DOK6: variants seen among roughly 807,000 people sequenced by gnomAD.
The protein encoded by DOK6 is downstream of tyrosine kinase 6.
Under a neutral mutation model 44.0 loss-of-function variants are expected in DOK6, and 22 were observed. That is an observed-to-expected ratio of 0.50 (90% CI 0.36 to 0.71). DOK6 has a LOEUF of 0.71. DOK6 is among the 30% of genes least tolerant of loss of function. DOK6 has a pLI of 0.00. For synonymous variants in DOK6, 166 were observed against 145.5 expected (o/e 1.14, Z -1.01); for missense variants, 340 against 416.4 (o/e 0.82, Z 1.60).
intron 2 of DOK6, among the ~76,000 whole-genome samples, chr18:69,564,986 G>A (rs1982934238): frequency 6.6e-6 from 1 of 152,132 alleles, no homozygotes; most frequent in African/African-American, 2.4e-5. Flanking sequence ...TATTGTTAAC[G>A]TATATGGCAT....
chr18:69,492,807 A>C, intron 1 of DOK6, among the ~76,000 whole-genome samples: 1 of 85,794 alleles, frequency 1.2e-5, no homozygotes, highest in Non-Finnish European at 3.2e-5. Context: ...TTCTTTACCC[A>C]GTCCACCATT....
At chr18:69,723,073 T>C (rs923519507) in intron 5 of DOK6, among the ~76,000 whole-genome samples, 13 of 152,360 alleles carry the variant, frequency 8.5e-5, no homozygotes, top group African/African-American at 2.6e-4. Flanking sequence ...TAAGTATTTT[T>C]ATATTGCATT....
chr18:69,750,528 T>C (rs537276211), intron 6 of DOK6, among the ~76,000 whole-genome samples: 7 of 152,166 alleles, frequency 4.6e-5, no homozygotes, highest in Non-Finnish European at 1.0e-4. Flanking sequence ...CAATGAGATA[T>C]CTTCTCATAC....
intron 7 of DOK6, among the ~76,000 whole-genome samples, chr18:69,820,198 T>C (rs1371110018): frequency 6.6e-6 from 1 of 152,192 alleles, no homozygotes; most frequent in African/African-American, 2.4e-5. Context: ...GTGAATAATG[T>C]TTAGGCCATG....
chr18:69,629,318 G>A (rs1402618279), intron 3 of DOK6, among the ~76,000 whole-genome samples: 6 of 152,268 alleles, frequency 3.9e-5, no homozygotes, highest in African/African-American at 7.2e-5. Flanking sequence ...TTCAGTTGCC[G>A]AAGTTTTGAA....
intron 1 of DOK6, among the ~76,000 whole-genome samples, chr18:69,444,601 A>G (rs1979227182): frequency 6.6e-6 from 1 of 150,942 alleles, no homozygotes; most frequent in South Asian, 2.1e-4. Context: ...TTTAATTTAT[A>G]TAAGTTATTA....
rs150012427 is a variant in DOK6 at position 69,534,761 on chromosome 18, C to T, written c.67-29726C>T. Among the ~76,000 whole-genome samples, 88 of 152,122 alleles carry T rather than the reference C, an allele frequency of 5.8e-4. 1 individual carries two copies. In the East Asian group the frequency reaches 0.012, roughly 20 times the overall value. On this transcript the variant is annotated intron_variant, in intron 1 of 7. Transcript: ENST00000382713. ...CATCAAAACAACATATTCTTAATTC[C>T]AATACTTTTATTATAAGTCTTCATA... is the stretch of plus-strand genomic sequence containing the variant.
intron 1 of DOK6, among the ~76,000 whole-genome samples, chr18:69,562,895 T>C (rs1982871993): frequency 1.3e-5 from 2 of 152,186 alleles, no homozygotes; most frequent in Admixed American, 1.3e-4. Flanking sequence ...TTTTGAAATC[T>C]ACTTATCTGA....
chr18:69,554,912 G>A (rs951349177), intron 1 of DOK6, among the ~76,000 whole-genome samples: 1 of 152,082 alleles, frequency 6.6e-6, no homozygotes, highest in East Asian at 1.9e-4. Flanking sequence ...TAAGCCTATT[G>A]GCCATTTATA....
chr18:69,452,246 A>G lies in DOK6; in HGVS notation c.66+50936A>G, dbSNP rs959798080. Among the ~76,000 whole-genome samples the G allele has an allele frequency of 8.7e-5, 13 of 149,678 alleles. No homozygotes were observed. The South Asian group carries it at 1.7e-3, about 20-fold the overall frequency. ...TAAAGGGGATATCACCACCGATCCC[A>G]CAGAAATACAAACTACCATCAGAGA... On this transcript the variant is annotated intron_variant, in intron 1 of 7. Transcript: ENST00000382713.
Position 69,796,730 on chromosome 18 carries a change from G to C in DOK6, c.856+38857G>C, listed in dbSNP as rs535772739. Among the ~76,000 whole-genome samples, 29 of 152,312 alleles carry C rather than the reference G, an allele frequency of 1.9e-4. No homozygotes were observed. The East Asian group carries it at 5.6e-3, about 29-fold the overall frequency. Reference sequence around the variant, plus strand: ...ATACTAGACAAAGCACACATGTCCAGAAAAGAGGCACAGTCAATCTCCACA... The same window carrying C: ...ATACTAGACAAAGCACACATGTCCACAAAAGAGGCACAGTCAATCTCCACA... On this transcript the variant is annotated intron_variant, in intron 7 of 7. Coordinates refer to ENST00000382713, the MANE Select transcript of DOK6 (RefSeq NM_152721.6).
chr18:69,588,082 G>A lies in DOK6; in HGVS notation c.175-11302G>A, dbSNP rs1599208160. Among the ~76,000 whole-genome samples the A allele has an allele frequency of 2.0e-5, 3 of 152,228 alleles. No homozygotes were observed. In the South Asian group the frequency reaches 6.2e-4, roughly 32 times the overall value. ...AGAATAATGGCTATTGCATGAATTG[G>A]TGGAAAAAGTGTACTAGCCTGAGAA... On this transcript the variant is annotated intron_variant, in intron 2 of 7. Coordinates refer to ENST00000382713, the MANE Select transcript of DOK6 (RefSeq NM_152721.6).
intron 3 of DOK6, among the ~76,000 whole-genome samples, chr18:69,624,394 T>G (rs1049098829): frequency 6.6e-6 from 1 of 152,160 alleles, no homozygotes; most frequent in Admixed American, 6.5e-5. Context: ...GCTAGCAGTA[T>G]GTTTATGTTT....
intron 1 of DOK6, among the ~76,000 whole-genome samples, chr18:69,444,243 T>A (rs1979216856): frequency 6.6e-6 from 1 of 152,174 alleles, no homozygotes; most frequent in Non-Finnish European, 1.5e-5. Flanking sequence ...ACGGCACTCA[T>A]CATTGCAGCC....
intron 1 of DOK6, among the ~76,000 whole-genome samples, chr18:69,459,150 C>T (rs947636445): frequency 1.7e-5 from 2 of 120,310 alleles, no homozygotes; most frequent in African/African-American, 6.5e-5. Flanking sequence ...TTAGAAATAC[C>T]TAACCAAGGA....
intron 7 of DOK6, among the ~76,000 whole-genome samples, chr18:69,821,704 G>A (rs9947556): frequency 1.7e-4 from 26 of 151,508 alleles, no homozygotes; most frequent in East Asian, 9.7e-4. Flanking sequence ...TCTTTGTGTC[G>A]GTCCTAAAAT....
chr18:69,575,103 T>G (rs1193542170), intron 2 of DOK6, among the ~76,000 whole-genome samples: 2 of 152,052 alleles, frequency 1.3e-5, no homozygotes, highest in Non-Finnish European at 2.9e-5. Flanking sequence ...TTTCCTAAAT[T>G]TATACAAATA....
At chr18:69,446,318 G>C (rs1483459274) in intron 1 of DOK6, among the ~76,000 whole-genome samples, 1 of 149,570 alleles carries the variant, frequency 6.7e-6, no homozygotes, top group Admixed American at 6.7e-5. Flanking sequence ...TTGGTTTTTT[G>C]TCCTTGCGAT....
intron 3 of DOK6, among the ~76,000 whole-genome samples, chr18:69,672,582 T>C (rs1000690940): frequency 3.3e-5 from 5 of 152,014 alleles, no homozygotes; most frequent in Non-Finnish European, 7.4e-5. Flanking sequence ...GGTCTCAAAC[T>C]CCTGATCTCA....
Sources: gnomAD v4.1 joint callset for allele counts (sites outside exome capture counted in the v4.1 genomes callset) on GRCh38, gnomAD v4.1.1 for gene constraint, MANE v1.5 for transcripts, NCBI Gene and HGNC (gene_info 2026-07-23, HGNC 2026-07-21) for gene names.